The following PGBD2 variants were observed in gnomAD, a reference collection of about 807,000 sequenced individuals.
PGBD2 encodes piggyBac transposable element derived 2, also known as piggyBac transposable element-derived protein 2.
PGBD2 carries 6 observed loss-of-function variants against 8.1 expected under a neutral mutation model. That is an observed-to-expected ratio of 0.74 (90% confidence interval 0.40 to 1.46). The LOEUF (loss-of-function observed/expected upper bound fraction) is 1.46. PGBD2 is among the 40% of genes most tolerant of loss of function. The pLI, the probability that PGBD2 is intolerant of heterozygous loss-of-function variation, is 0.02. For missense variants in PGBD2, 802 were observed against 739.0 expected, an observed-to-expected ratio of 1.09 and a Z score of -0.99; for synonymous variants, 318 against 272.2, an observed-to-expected ratio of 1.17 and a Z score of -1.66.
upstream of PGBD2, among the ~76,000 whole-genome samples, chr1:248,903,319 T>C (rs1661565546): frequency 6.6e-6 from 1 of 152,030 alleles, no homozygotes; most frequent in South Asian, 2.1e-4. Flanking sequence ...CTGTCTTAGC[T>C]TCCTGAGTAT....
At chr1:248,877,589 GAGA>G in the PGBD2 span, among the ~76,000 whole-genome samples, 1 of 152,152 alleles carries the variant, frequency 6.6e-6, no homozygotes, top group African/African-American at 2.4e-5. Flanking sequence ...ATGGGAGGGG[GAGA>G]AGAAGAATTC....
the PGBD2 span, among the ~76,000 whole-genome samples, chr1:248,901,140 C>CAAT: frequency 6.6e-6 from 1 of 152,084 alleles, no homozygotes; most frequent in Admixed American, 6.6e-5. Flanking sequence ...TAGGAAGAAT[C>CAAT]AATATTGTGA....
intron 1 of PGBD2, chr1:248,912,881 G>C (rs570323403): frequency 1.4e-5 from 2 of 148,128 alleles, no homozygotes; most frequent in African/African-American, 5.0e-5. Context: ...TCGGCTCACT[G>C]CAACCTCGCC....
chr1:248,911,531 A>C (rs1302771365), intron 1 of PGBD2, among the ~76,000 whole-genome samples: 6 of 137,468 alleles, frequency 4.4e-5, no homozygotes, highest in South Asian at 2.1e-4. Context: ...CTACACAGAC[A>C]CGGCAACCAT....
the PGBD2 span, among the ~76,000 whole-genome samples, chr1:248,873,941 T>G: frequency 6.6e-6 from 1 of 152,270 alleles, no homozygotes; most frequent in Admixed American, 6.5e-5. Context: ...GAGGCGTGGG[T>G]TCGAATCCCA....
chr1:248,916,708 A>G lies in PGBD2; in HGVS notation c.124A>G (p.Ile42Val), dbSNP rs746708426. Residue 42 changes from isoleucine to valine, a missense_variant, in exon 3 of 3, where the codon ATT (isoleucine) becomes GTT (valine). By Grantham distance (29) the Ile-to-Val change is conservative. Coordinates refer to ENST00000329291, the MANE Select transcript of PGBD2 (RefSeq NM_170725.3). ...AGAGTCCAACAACAACAGGGAAGAG[A>G]TTTTCATTGCACCTCCCGACAATGC... ...EEESNNNREE[I>V]FIAPPDNAAG... The G allele has an allele frequency of 1.7e-5, 27 of 1,613,946 alleles. No individual in the cohort carries two copies. The highest frequency in any genetic ancestry group is 1.9e-5 in the Non-Finnish European group (23 of 1,180,034).
upstream of PGBD2, among the ~76,000 whole-genome samples, chr1:248,902,229 A>G (rs539182837): frequency 4.6e-4 from 69 of 151,358 alleles, no homozygotes; most frequent in African/African-American, 1.6e-3. Context: ...AGATCGTACC[A>G]CTGCACTCCA....
Position 248,913,876 on chromosome 1 carries a change from C to T in PGBD2, c.14C>T (p.Ser5Phe), listed in dbSNP as rs1661998209. 5.6e-6 allele frequency: 9 copies of T among 1,609,242 alleles called. No individual in the cohort carries two copies. The highest frequency in any genetic ancestry group is 1.1e-5 in the South Asian group (1 of 90,942). Residue 5 changes from serine to phenylalanine, a missense_variant, in exon 2 of 3, where the codon TCC becomes TTC. By Grantham distance (155) the Ser-to-Phe change is radical (BLOSUM62 -2). Coordinates refer to ENST00000329291, the MANE Select transcript of PGBD2 (RefSeq NM_170725.3). MAST[S>F]RDVIAGRGIH... is the part of the protein sequence containing the mutation. Reference sequence around the variant, plus strand: ...TCCCAGTTCATCATGGCTTCAACATCCAGGTAGGAGTGCTGTTTGATCAAA... The same window carrying T: ...TCCCAGTTCATCATGGCTTCAACATTCAGGTAGGAGTGCTGTTTGATCAAA...
chr1:248,898,137 G>A, the PGBD2 span, among the ~76,000 whole-genome samples: 2 of 152,206 alleles, frequency 1.3e-5, no homozygotes, highest in Admixed American at 1.3e-4. Context: ...CAGTTCAGCC[G>A]ACAGCCTTTC....
At chr1:248,923,799 T>C (rs1231523034), downstream of PGBD2, among the ~76,000 whole-genome samples, 1 of 152,142 alleles carries the variant, frequency 6.6e-6, no homozygotes, top group African/African-American at 2.4e-5. Context: ...AGCATAAGGA[T>C]GGGAGGAGAA....
chr1:248,893,444 A>C, the PGBD2 span, among the ~76,000 whole-genome samples: 1 of 152,224 alleles, frequency 6.6e-6, no homozygotes, highest in Non-Finnish European at 1.5e-5. Context: ...ACTATTTTAA[A>C]TACCTCATAT....
chr1:248,903,036 GT>G (rs1034045975), upstream of PGBD2, among the ~76,000 whole-genome samples: 1 of 152,038 alleles, frequency 6.6e-6, no homozygotes, highest in African/African-American at 2.4e-5. Context: ...GAAAAAACAA[GT>G]TTTTTTGTAG....
chr1:248,917,222 C>G lies in PGBD2; in HGVS notation c.638C>G (p.Ala213Gly). ...TSPDSHHHLVADAIRRDRFEL... is the reference protein window; with the variant it reads ...TSPDSHHHLVGDAIRRDRFEL... ...CCCGATTCACATCATCATCTTGTGG[C>G]TGATGCAATTAGAAGGGACAGATTT... The change falls in exon 3 of 3, where the codon GCT (alanine) becomes GGT (glycine). Residue 213 changes from alanine to glycine, a missense_variant. By Grantham distance (60) the Ala-to-Gly change is moderately conservative (BLOSUM62 0). Coordinates refer to ENST00000329291, the MANE Select transcript of PGBD2 (RefSeq NM_170725.3). 6 of 1,614,078 alleles carry G rather than the reference C, an allele frequency of 3.7e-6. No individual in the cohort carries two copies. Among genetic ancestry groups the G allele is most frequent in the Non-Finnish European group, 5.1e-6 (6 of 1,180,008 alleles).
chr1:248,918,378 C>T lies in PGBD2; in HGVS notation c.*15C>T, dbSNP rs764335525. ...ACATCCGGTGACATCATGAGACATG[C>T]TTCTTTGGTTTATAATGAGATGTTT... On this transcript the variant is annotated 3_prime_UTR_variant, in exon 3 of 3. Coordinates refer to ENST00000329291, the MANE Select transcript of PGBD2 (RefSeq NM_170725.3). The T allele has an allele frequency of 6.6e-7, 1 of 1,523,398 alleles. No individual in the cohort carries two copies. The highest frequency in any genetic ancestry group is 1.3e-5 in the South Asian group (1 of 75,776). 94.4% of individuals were successfully genotyped at this position (1,523,398 alleles called of 1,614,324 possible).
At chr1:248,875,964 A>G in the PGBD2 span, among the ~76,000 whole-genome samples, 1 of 151,164 alleles carries the variant, frequency 6.6e-6, no homozygotes, top group Non-Finnish European at 1.5e-5. Flanking sequence ...AGAACTGTAC[A>G]CATTCTGCTT....
rs1057293945 is a variant in PGBD2, at chr1:248,917,396, C to G, written c.812C>G (p.Ser271Cys). ...GAAGAGTTCTACAGCTTTGGCGAGT[C>G]TATGTGTGAGTACTTTGGGCACCGG... The part of the protein sequence containing the change: ...PLEEFYSFGE[S>C]MCEYFGHRGS... Residue 271 changes from serine (S) to cysteine (C), a missense_variant, in exon 3 of 3, where the codon TCT (serine) becomes TGT (cysteine). Physicochemically the swap from Ser to Cys is moderately radical, Grantham distance 112 (BLOSUM62 -1). Transcript: ENST00000329291. The G allele has an allele frequency of 1.2e-6, 2 of 1,614,116 alleles. No homozygotes were observed. Among genetic ancestry groups the G allele is most frequent in the South Asian group, 2.2e-5 (2 of 91,082 alleles).
chr1:248,911,899 T>C (rs1396023274), intron 1 of PGBD2, among the ~76,000 whole-genome samples: 5 of 150,004 alleles, frequency 3.3e-5, no homozygotes, highest in Admixed American at 2.6e-4. Flanking sequence ...TGACACCAGG[T>C]GGGAGAGTTA....
the PGBD2 span, among the ~76,000 whole-genome samples, chr1:248,883,788 T>G: frequency 6.5e-3 from 982 of 151,526 alleles, 14 homozygotes; most frequent in African/African-American, 0.022. Context: ...TAGTAGAGAC[T>G]GGGTTTCACC....
chr1:248,915,913 T>C (rs184538962), intron 2 of PGBD2, among the ~76,000 whole-genome samples: 1 of 152,254 alleles, frequency 6.6e-6, no homozygotes, highest in East Asian at 1.9e-4. Context: ...CCTAGGGCCA[T>C]TGAGTCTGAG....
Sources: allele counts gnomAD v4.1 joint callset (sites outside exome capture counted in the v4.1 genomes callset), GRCh38; gene constraint gnomAD v4.1.1; transcripts MANE v1.5; gene names NCBI Gene and HGNC (gene_info 2026-07-23, HGNC 2026-07-21).